The following FBXO21 variants were observed in gnomAD, a reference collection of about 807,000 sequenced individuals.
The protein encoded by FBXO21 is F-box protein 21, also known as F-box only protein 21.
In FBXO21, 32 loss-of-function variants were observed where a neutral mutation model predicts 76.6. That is an observed-to-expected ratio of 0.42 (90% CI 0.32 to 0.56). The LOEUF is 0.56. FBXO21 is among the 20% of genes least tolerant of loss of function. The probability of loss-of-function intolerance (pLI) is 0.16; values close to 1 mark genes in which losing one functional copy is unlikely to be tolerated. For missense variants in FBXO21, 586 were observed against 797.3 expected, an observed-to-expected ratio of 0.73 and a Z score of 3.19; for synonymous variants, 328 against 311.5, an observed-to-expected ratio of 1.05 and a Z score of -0.56.
At chr12:117,161,078 G>A (rs1018158464) in intron 9 of FBXO21, among the ~76,000 whole-genome samples, 1 of 152,104 alleles carries the variant, frequency 6.6e-6, no homozygotes, top group Non-Finnish European at 1.5e-5. Flanking sequence ...GACAGATGAC[G>A]GAGCAGCAGC....
intron 7 of FBXO21, among the ~76,000 whole-genome samples, chr12:117,170,761 GTTA>G (rs1161927127): frequency 6.6e-6 from 1 of 152,202 alleles, no homozygotes; most frequent in African/African-American, 2.4e-5. Context: ...CCTGTAGTAA[GTTA>G]TCGTGGCAAA....
At chr12:117,162,006 G>A (rs1474414950) in intron 9 of FBXO21, among the ~76,000 whole-genome samples, 2 of 152,342 alleles carry the variant, frequency 1.3e-5, no homozygotes, top group Admixed American at 6.5e-5. Flanking sequence ...AGTGCCTATG[G>A]AGGAGGCATG....
chr12:117,190,198 G>A lies in FBXO21; in HGVS notation c.239+20C>T, dbSNP rs1956330633. ...GCGGGGCGGTGGGCGCGCAGCCGGG[G>A]CGCGGGGCCGCTGGCTCACCTCACC... On this transcript the variant is annotated intron_variant, in intron 1 of 11. Coordinates refer to ENST00000622495, the MANE Select transcript of FBXO21 (RefSeq NM_015002.3). 1.1e-5 allele frequency: 14 copies of A among 1,301,106 alleles called. No individual in the cohort carries two copies. The highest frequency in any genetic ancestry group is 3.4e-5 in the Admixed American group (1 of 29,742). The allele number at this position is 1,301,106 out of a possible 1,614,324, so 80.6% of individuals were successfully genotyped here.
chr12:117,181,802 A>G (rs1956237344), intron 3 of FBXO21, among the ~76,000 whole-genome samples: 1 of 152,084 alleles, frequency 6.6e-6, no homozygotes. Flanking sequence ...GGTGCCTGCC[A>G]CCATGCCCGG....
chr12:117,160,570 C>T (rs760812894), intron 9 of FBXO21, among the ~76,000 whole-genome samples: 7 of 152,196 alleles, frequency 4.6e-5, no homozygotes, highest in African/African-American at 1.7e-4. Flanking sequence ...AAACTGCCCC[C>T]GTGTTGAAAA....
At chr12:117,154,037 C>T (rs935411032) in intron 11 of FBXO21, among the ~76,000 whole-genome samples, 13 of 152,286 alleles carry the variant, frequency 8.5e-5, no homozygotes, top group East Asian at 5.8e-4. Flanking sequence ...CACTGGCCCA[C>T]GGTGTTGTTG....
chr12:117,175,403 C>G (rs1482646786), intron 4 of FBXO21, among the ~76,000 whole-genome samples: 1 of 152,254 alleles, frequency 6.6e-6, no homozygotes, highest in Non-Finnish European at 1.5e-5. Flanking sequence ...AGAATCACTC[C>G]TCTTCACAGT....
At chr12:117,188,437 C>A (rs922244219) in intron 2 of FBXO21, among the ~76,000 whole-genome samples, 2 of 151,818 alleles carry the variant, frequency 1.3e-5, no homozygotes, top group African/African-American at 4.8e-5. Context: ...CCCGGCTACT[C>A]GGGAGGCTGA....
At chr12:117,177,966 T>TC (rs564943502) in intron 3 of FBXO21, among the ~76,000 whole-genome samples, 517 of 152,244 alleles carry the variant, frequency 3.4e-3, no homozygotes, top group African/African-American at 0.012. Flanking sequence ...CTTTTGCTGG[T>TC]CCCCCTGCTT....
intron 11 of FBXO21, among the ~76,000 whole-genome samples, chr12:117,150,273 T>C (rs191672892): frequency 1.3e-5 from 2 of 152,338 alleles, no homozygotes; most frequent in Admixed American, 6.5e-5. Context: ...TCCTGGATTC[T>C]CTTCAAGTTT....
chr12:117,185,482 C>G (rs1230271438), intron 3 of FBXO21, among the ~76,000 whole-genome samples: 2 of 152,208 alleles, frequency 1.3e-5, no homozygotes, highest in African/African-American at 4.8e-5. Context: ...ACTTTTAGAA[C>G]AGAAAGTCTT....
intron 3 of FBXO21, among the ~76,000 whole-genome samples, chr12:117,183,605 T>C (rs1470786621): frequency 6.6e-6 from 1 of 152,228 alleles, no homozygotes; most frequent in Non-Finnish European, 1.5e-5. Flanking sequence ...CCGTGATTGT[T>C]AGATGTTAGG....
intron 3 of FBXO21, among the ~76,000 whole-genome samples, chr12:117,180,665 C>T (rs542634484): frequency 1.3e-4 from 20 of 152,110 alleles, no homozygotes; most frequent in Non-Finnish European, 2.5e-4. Flanking sequence ...CTCGCTCTGT[C>T]GCCAGGCTGG....
intron 9 of FBXO21, among the ~76,000 whole-genome samples, chr12:117,165,103 A>G (rs1956037196): frequency 6.6e-6 from 1 of 152,254 alleles, no homozygotes; most frequent in African/African-American, 2.4e-5. Context: ...TGAAAACAGG[A>G]GTACTTATTC....
At chr12:117,166,628 C>G (rs528937889) in intron 8 of FBXO21, among the ~76,000 whole-genome samples, 1 of 152,320 alleles carries the variant, frequency 6.6e-6, no homozygotes, top group South Asian at 2.1e-4. Context: ...AAGACAGTTT[C>G]ATATTTTTGT....
At chr12:117,172,088 T>G (rs1956123662) in intron 7 of FBXO21, among the ~76,000 whole-genome samples, 2 of 151,706 alleles carry the variant, frequency 1.3e-5, no homozygotes, top group African/African-American at 4.9e-5. Context: ...AAATAATTTT[T>G]TTAAGAACTC....
intron 4 of FBXO21, among the ~76,000 whole-genome samples, chr12:117,176,778 A>T (rs549760541): frequency 1.3e-3 from 202 of 151,960 alleles, no homozygotes; most frequent in Non-Finnish European, 2.3e-3. Flanking sequence ...AAATAAATAC[A>T]TTTTTTTTAA....
chr12:117,173,954 G>A (rs1319327846), intron 6 of FBXO21, among the ~76,000 whole-genome samples: 1 of 152,026 alleles, frequency 6.6e-6, no homozygotes, highest in African/African-American at 2.4e-5. Context: ...GACCAGGCTG[G>A]GCAACATAGC....
chr12:117,170,350 C>A (rs1184405950), intron 7 of FBXO21, among the ~76,000 whole-genome samples: 1 of 152,178 alleles, frequency 6.6e-6, no homozygotes, highest in Non-Finnish European at 1.5e-5. Context: ...TGGCTCCAAT[C>A]AACAGACACA....
Sources: allele counts gnomAD v4.1 joint callset (sites outside exome capture counted in the v4.1 genomes callset), GRCh38; gene constraint gnomAD v4.1.1; transcripts MANE v1.5; gene names NCBI Gene and HGNC (gene_info 2026-07-23, HGNC 2026-07-21).